The following SYNE1 variants were observed in gnomAD, a reference collection of about 807,000 sequenced individuals.
SYNE1 encodes spectrin repeat containing nuclear envelope protein 1.
Under a neutral mutation model 1,111.0 loss-of-function variants are expected in SYNE1, and 616 were observed. That is an observed-to-expected ratio of 0.55 (90% confidence interval 0.52 to 0.59). The LOEUF (loss-of-function observed/expected upper bound fraction) is 0.59. Ranked by LOEUF, SYNE1 falls within the 20% of genes least tolerant of loss-of-function variation. The probability of loss-of-function intolerance (pLI) is 0.00; values close to 1 mark genes in which losing one functional copy is unlikely to be tolerated. For synonymous variants in SYNE1, 3,855 were observed against 3,825.8 expected, an observed-to-expected ratio of 1.01 and a Z score of -0.28; for missense variants, 10,006 against 10,417.0, an observed-to-expected ratio of 0.96 and a Z score of 1.72.
chr6:152,356,408 T>C (rs1451092552), intron 66 of SYNE1, among the ~76,000 whole-genome samples: 1 of 149,720 alleles, frequency 6.7e-6, no homozygotes, highest in Non-Finnish European at 1.5e-5. Context: ...AAATTTCAAG[T>C]CTGTATTCTG....
chr6:152,419,810 G>A (rs1352174314), intron 39 of SYNE1, 88 bp from the exon 40 acceptor site: 7 of 1,416,768 alleles, frequency 4.9e-6, no homozygotes, highest in Non-Finnish European at 6.9e-6. Flanking sequence ...CTTACCCAAG[G>A]GCAAAAGCAA....
chr6:152,561,065 C>T (rs1475610839), intron 3 of SYNE1, among the ~76,000 whole-genome samples: 2 of 152,036 alleles, frequency 1.3e-5, no homozygotes, highest in East Asian at 3.9e-4. Flanking sequence ...ACTGAAATTC[C>T]TACCCAAATC....
In SYNE1 at chr6:152,269,258, T is replaced by A. The variant is rs375829264; in HGVS notation, c.18602A>T (p.Asp6201Val). ...GCTCTGCGTGGCTGTTAGGTCAACA[T>A]CGCTCTCCTCCTTCTCCTGTGCTGT... Reference protein sequence around the residue: ...QGTAQEKEESDVDLTATQSPG... With the variant: ...QGTAQEKEESVVDLTATQSPG... Residue 6201 changes from aspartate (D) to valine (V), a missense_variant, in exon 99 of 146, where the codon GAT (aspartate) becomes GTT (valine). Around this residue, in one of 7 missense-constraint regions of SYNE1, gnomAD observed 2,182 missense variants for 2,287.8 expected, o/e 0.95. Transcript: ENST00000367255. 7 of 1,614,088 alleles carry A rather than the reference T, an allele frequency of 4.3e-6. No homozygotes were observed. The Admixed American group carries it at 1.0e-4, about 23-fold the overall frequency.
chr6:152,344,367 C>T, intron 73 of SYNE1, 140 bp from the exon 74 acceptor site: 1 of 1,317,412 alleles, frequency 7.6e-7, no homozygotes, highest in South Asian at 1.3e-5. Flanking sequence ...ATATCTAAGG[C>T]AGTTGTATGT....
Position 152,350,624 on chromosome 6 carries a change from T to A in SYNE1, c.11727A>T (p.Ile3909=). The change falls in exon 71 of 146, where the codon ATA becomes ATT. Residue 3909 remains isoleucine, a synonymous_variant. Coordinates refer to ENST00000367255, the MANE Select transcript of SYNE1 (RefSeq NM_182961.4). ...LQSDYQDLCS[I]GKEHVFSLEA... ...GTCTTTCATCTCTCCTTACCTTTCC[T>A]ATGCTGCACAGGTCCTGGTAATCAC... is the stretch of plus-strand genomic sequence containing the variant. 1 of 1,614,214 alleles carries A rather than the reference T, an allele frequency of 6.2e-7. No individual in the cohort carries two copies. Among genetic ancestry groups the A allele is most frequent in the Non-Finnish European group, 8.5e-7 (1 of 1,180,042 alleles).
chr6:152,149,684 C>G lies in SYNE1; in HGVS notation c.24451-16G>C, dbSNP rs1312861211. ...GCTGGAAGGCCTAGGGAGTACAAAT[C>G]TCATGTGATTTTGCTATTGTTGTTG... On this transcript the variant is annotated splice_polypyrimidine_tract_variant and intron_variant, in intron 135 of 145. Transcript: ENST00000367255. The G allele has an allele frequency of 1.2e-6, 2 of 1,610,318 alleles. No individual in the cohort carries two copies. Among genetic ancestry groups the G allele is most frequent in the Admixed American group, 1.7e-5 (1 of 60,004 alleles).
intron 3 of SYNE1, among the ~76,000 whole-genome samples, chr6:152,621,303 G>C (rs76607279): frequency 0.042 from 6,427 of 152,234 alleles, 422 homozygotes; most frequent in African/African-American, 0.14. Flanking sequence ...AAGTAATTTT[G>C]CTATATGTGT....
At chr6:152,471,509 G>T (rs2098805429) in intron 16 of SYNE1, 88 bp downstream of exon 16, 4 of 1,315,442 alleles carry the variant, frequency 3.0e-6, no homozygotes, top group Non-Finnish European at 4.4e-6. Context: ...TTAAATTCAA[G>T]AATTAAAATA....
chr6:152,424,638 T>C (rs1328969293), intron 39 of SYNE1, among the ~76,000 whole-genome samples: 1 of 152,218 alleles, frequency 6.6e-6, no homozygotes, highest in Admixed American at 6.5e-5. Context: ...GCACCTGATA[T>C]ATATTTGTTG....
At chr6:152,296,473 T>C (rs2094888576) in intron 93 of SYNE1, among the ~76,000 whole-genome samples, 1 of 152,224 alleles carries the variant, frequency 6.6e-6, no homozygotes, top group Non-Finnish European at 1.5e-5. Flanking sequence ...TCTTCTCACC[T>C]AAGCTATAAA....
chr6:152,293,050 T>C (rs760762146), intron 95 of SYNE1, among the ~76,000 whole-genome samples: 1 of 152,264 alleles, frequency 6.6e-6, no homozygotes, highest in African/African-American at 2.4e-5. Context: ...CTGTTTTTCA[T>C]GTAAAGCTAA....
At position 152,369,488 on chromosome 6, in the gene SYNE1, C is replaced by T. The variant is rs751257864; in HGVS notation, c.9634G>A (p.Glu3212Lys). Residue 3212 changes from glutamate (E) to lysine (K), a missense_variant, in exon 60 of 146, where the codon GAG (glutamate) becomes AAG (lysine). Glu to Lys is a moderately conservative substitution (Grantham distance 56). Transcript: ENST00000367255. ...RLYDLPAKRR[E>K]QQKLQSVLEE... ...CTCATCACCTGGAGCTTCTGCTGCTCCCTCCTCTTTGCTGGCAGATCATAG... is the reference window on the plus strand; with the variant it reads ...CTCATCACCTGGAGCTTCTGCTGCTTCCTCCTCTTTGCTGGCAGATCATAG... The T allele has an allele frequency of 2.4e-5, 39 of 1,614,016 alleles. No individual in the cohort carries two copies. The South Asian group carries it at 4.2e-4, about 17-fold the overall frequency.
chr6:152,571,400 C>T (rs142290823), intron 3 of SYNE1, among the ~76,000 whole-genome samples: 193 of 152,180 alleles, frequency 1.3e-3, no homozygotes, highest in African/African-American at 4.3e-3. Context: ...AACAAACAAA[C>T]AAAAAATGCC....
chr6:152,419,938 G>A (rs566130541), intron 39 of SYNE1, among the ~76,000 whole-genome samples: 3 of 152,268 alleles, frequency 2.0e-5, no homozygotes, highest in African/African-American at 4.8e-5. Flanking sequence ...TTGGTCCTAT[G>A]AGGCACTCTT....
Position 152,224,602 on chromosome 6 carries a change from G to C in SYNE1, c.21414C>G (p.Ala7138=), listed in dbSNP as rs144904215. The C allele has an allele frequency of 2.5e-6, 4 of 1,613,828 alleles. No homozygotes were observed. Among genetic ancestry groups the C allele is most frequent in the Non-Finnish European group, 3.4e-6 (4 of 1,179,976 alleles). Residue 7138 remains alanine, a synonymous_variant, in exon 117 of 146, where the codon GCC becomes GCG. Coordinates refer to ENST00000367255, the MANE Select transcript of SYNE1 (RefSeq NM_182961.4). ...VLDQWSSHKV[A]FDKINSYLME... ...TGAGGTAACTGTTTATCTTGTCAAA[G>C]GCCACTTTGTGACTACTCCATTGGT...
intron 127 of SYNE1, among the ~76,000 whole-genome samples, chr6:152,200,166 C>T (rs2075114830): frequency 6.6e-6 from 1 of 152,104 alleles, no homozygotes; most frequent in South Asian, 2.1e-4. Flanking sequence ...CACAGTATAC[C>T]AACCCCTTAA....
At chr6:152,530,720 C>G (rs1002621890) in intron 4 of SYNE1, among the ~76,000 whole-genome samples, 2 of 151,274 alleles carry the variant, frequency 1.3e-5, no homozygotes, top group Non-Finnish European at 2.9e-5. Flanking sequence ...CTCCCGGGTT[C>G]ATGCCATTGT....
intron 145 of SYNE1, chr6:152,125,463 C>T: frequency 7.5e-7 from 1 of 1,339,256 alleles, no homozygotes; most frequent in Non-Finnish European, 9.9e-7. Context: ...ATTAGTCTCT[C>T]TGGCCTTCAG....
chr6:152,207,913 G>A (rs2076818263), intron 125 of SYNE1, 59 bp downstream of exon 125: 2 of 1,571,548 alleles, frequency 1.3e-6, no homozygotes, highest in South Asian at 2.2e-5. Context: ...CCGAGGCGAA[G>A]GTAAAGTGTG....
Sources: allele counts gnomAD v4.1 joint callset (sites outside exome capture counted in the v4.1 genomes callset), GRCh38; gene constraint gnomAD v4.1.1; regional missense constraint gnomAD v4.1.1; transcripts MANE v1.5; gene names NCBI Gene and HGNC (gene_info 2026-07-23, HGNC 2026-07-21).